Variants in NRG1 observed in about 807,000 individuals in gnomAD.
The protein encoded by NRG1 is pro-neuregulin-1, membrane-bound isoform.
A neutral mutation model predicts 63.8 loss-of-function variants in NRG1; 18 were observed. The observed-to-expected ratio is 0.28, with a 90% confidence interval of 0.19 to 0.42. The LOEUF is 0.42. Among genes scored for constraint, NRG1 ranks in the 10% least tolerant of loss-of-function variants. NRG1 has a pLI of 1.00. For missense variants in NRG1, 762 were observed against 814.7 expected, an observed-to-expected ratio of 0.94 and a Z score of 0.79; for synonymous variants, 302 against 301.3, an observed-to-expected ratio of 1.00 and a Z score of -0.02.
chr8:31,985,008 G>A (rs1809811252), intron 1 of NRG1, among the ~76,000 whole-genome samples: 1 of 152,012 alleles, frequency 6.6e-6, no homozygotes. Flanking sequence ...ATTTGAGACT[G>A]CAAGAAGATG....
At chr8:32,039,715 G>T (rs1226275271) in intron 1 of NRG1, among the ~76,000 whole-genome samples, 1 of 152,018 alleles carries the variant, frequency 6.6e-6, no homozygotes, top group African/African-American at 2.4e-5. Context: ...CCTCATCAAG[G>T]GTAGAAAGTA....
chr8:32,187,684 C>T (rs1057198678), intron 1 of NRG1, among the ~76,000 whole-genome samples: 2 of 151,730 alleles, frequency 1.3e-5, no homozygotes, highest in African/African-American at 2.4e-5. Flanking sequence ...AAGGGGATGG[C>T]TTTTCTGGGG....
intron 3 of NRG1, among the ~76,000 whole-genome samples, chr8:32,608,838 C>T (rs959843231): frequency 2.6e-5 from 4 of 152,194 alleles, no homozygotes; most frequent in Non-Finnish European, 5.9e-5. Flanking sequence ...CTTGCCCCCA[C>T]GTGGCCATAT....
chr8:32,130,037 G>A (rs975247489), intron 1 of NRG1, among the ~76,000 whole-genome samples: 5 of 151,844 alleles, frequency 3.3e-5, no homozygotes, highest in Admixed American at 1.3e-4. Flanking sequence ...TAAGAACTCT[G>A]AGGTTAGTAG....
chr8:32,536,921 T>TAAAAA (rs1832034332), intron 1 of NRG1, among the ~76,000 whole-genome samples: 1 of 2,814 alleles, frequency 3.6e-4, no homozygotes, highest in African/African-American at 3.6e-3. Context: ...AGACTCCGTC[T>TAAAAA]CAAAAAAAAA....
chr8:31,884,287 TG>T (rs765598366), intron 1 of NRG1, among the ~76,000 whole-genome samples: 1 of 152,092 alleles, frequency 6.6e-6, no homozygotes, highest in Non-Finnish European at 1.5e-5. Flanking sequence ...TAATACCTAA[TG>T]AAAACTGCAA....
At chr8:31,848,367 A>C (rs2129608687) in intron 1 of NRG1, among the ~76,000 whole-genome samples, 1 of 152,318 alleles carries the variant, frequency 6.6e-6, no homozygotes, top group South Asian at 2.1e-4. Context: ...TGCCTAGCCA[A>C]TATTTTCATT....
chr8:32,044,154 A>C (rs185083492), intron 1 of NRG1, among the ~76,000 whole-genome samples: 9 of 151,944 alleles, frequency 5.9e-5, no homozygotes, highest in Non-Finnish European at 1.0e-4. Flanking sequence ...TCAGGTTGCT[A>C]TATCAATATT....
chr8:32,207,374 A>G (rs1391481193), intron 1 of NRG1, among the ~76,000 whole-genome samples: 1 of 151,936 alleles, frequency 6.6e-6, no homozygotes, highest in Admixed American at 6.6e-5. Context: ...TTTTGCATCA[A>G]CCTAATACCT....
At chr8:31,971,836 G>A (rs1397761733) in intron 1 of NRG1, among the ~76,000 whole-genome samples, 1 of 152,006 alleles carries the variant, frequency 6.6e-6, no homozygotes, top group Non-Finnish European at 1.5e-5. Flanking sequence ...GCTCTTTTTG[G>A]TTAGTAAACT....
At chr8:31,976,593 T>G (rs940388822) in intron 1 of NRG1, among the ~76,000 whole-genome samples, 6 of 152,264 alleles carry the variant, frequency 3.9e-5, no homozygotes, top group African/African-American at 9.6e-5. Context: ...TTTATTACCT[T>G]TCATTATTCC....
At chr8:31,900,325 G>A (rs1831966766) in intron 1 of NRG1, among the ~76,000 whole-genome samples, 1 of 152,062 alleles carries the variant, frequency 6.6e-6, no homozygotes, top group African/African-American at 2.4e-5. Context: ...AACTCTTCAA[G>A]GGAGAAAAAG....
chr8:32,065,208 AT>A (rs936813155), intron 1 of NRG1, among the ~76,000 whole-genome samples: 3 of 149,188 alleles, frequency 2.0e-5, no homozygotes, highest in African/African-American at 7.4e-5. Context: ...TATTATTTTT[AT>A]TTTTTTATTA....
intron 1 of NRG1, among the ~76,000 whole-genome samples, chr8:32,068,690 G>A (rs1015500740): frequency 1.3e-5 from 2 of 152,282 alleles, no homozygotes; most frequent in East Asian, 3.9e-4. Context: ...CTGCCCTCAA[G>A]CCCCTTGTTA....
At chr8:31,869,196 G>A (rs757952785) in intron 1 of NRG1, among the ~76,000 whole-genome samples, 6 of 152,164 alleles carry the variant, frequency 3.9e-5, no homozygotes, top group Non-Finnish European at 7.3e-5. Flanking sequence ...TCTGCATTTG[G>A]TACTCTAATC....
At chr8:32,103,100 T>C (rs1830782164) in intron 1 of NRG1, among the ~76,000 whole-genome samples, 1 of 152,214 alleles carries the variant, frequency 6.6e-6, no homozygotes, top group African/African-American at 2.4e-5. Context: ...ATTTTGGCTA[T>C]AGTCACACTG....
chr8:32,575,142 T>C (rs1035571038), intron 1 of NRG1, among the ~76,000 whole-genome samples: 2 of 152,212 alleles, frequency 1.3e-5, no homozygotes, highest in Non-Finnish European at 1.5e-5. Flanking sequence ...TTCCCCAGGT[T>C]TCACAATTGA....
chr8:32,038,034 A>T (rs1239530766), intron 1 of NRG1, among the ~76,000 whole-genome samples: 3 of 150,222 alleles, frequency 2.0e-5, no homozygotes, highest in South Asian at 2.1e-4. Context: ...GTATGCAAAA[A>T]CTCTTATGTC....
At chr8:32,502,688 C>G (rs1828009739) in intron 1 of NRG1, among the ~76,000 whole-genome samples, 1 of 151,792 alleles carries the variant, frequency 6.6e-6, no homozygotes, top group Non-Finnish European at 1.5e-5. Context: ...AAAAACACAT[C>G]TCACTCTCCT....
Sources: allele counts gnomAD v4.1 joint callset (sites outside exome capture counted in the v4.1 genomes callset), GRCh38; gene constraint gnomAD v4.1.1; transcripts MANE v1.5; gene names NCBI Gene and HGNC (gene_info 2026-07-23, HGNC 2026-07-21).